PCDHGA6: variants seen among roughly 807,000 people sequenced by gnomAD.
PCDHGA6 encodes the protein protocadherin gamma-A6.
PCDHGA6 carries 41 observed loss-of-function variants against 60.6 expected under a neutral mutation model. The observed-to-expected ratio is 0.68, with a 90% CI of 0.53 to 0.88. The LOEUF is 0.88. Among genes scored for constraint, PCDHGA6 ranks in the 40% least tolerant of loss-of-function variants. The pLI is 0.00. For synonymous variants in PCDHGA6, 594 were observed against 524.4 expected (o/e 1.13, Z -1.81); for missense variants, 1,312 against 1,203.0 (o/e 1.09, Z -1.34).
At chr5:141,441,797 G>T in intron 1 of PCDHGA6, 1 of 386,536 alleles carries the variant, frequency 2.6e-6, no homozygotes, top group Non-Finnish European at 5.2e-6. Context: ...ACAACGCACC[G>T]CGGGTGCTGT....
chr5:141,413,218 A>G, intron 1 of PCDHGA6: 1 of 1,613,610 alleles, frequency 6.2e-7, no homozygotes. Flanking sequence ...AAAGGATTGC[A>G]GCGGGCTGGT....
At chr5:141,433,308 C>A in intron 1 of PCDHGA6, 2 of 915,352 alleles carry the variant, frequency 2.2e-6, no homozygotes, top group Non-Finnish European at 1.6e-6. Context: ...ATTATCCCAC[C>A]TTTGCCTCCG....
At chr5:141,390,341 A>T (rs766269615) in intron 1 of PCDHGA6, 5 of 1,587,538 alleles carry the variant, frequency 3.1e-6, no homozygotes, top group Non-Finnish European at 4.3e-6. Flanking sequence ...CATATTCACA[A>T]GAAAATATAC....
chr5:141,409,725 G>A (rs1416188591), intron 1 of PCDHGA6: 1 of 1,613,172 alleles, frequency 6.2e-7, no homozygotes, highest in Non-Finnish European at 8.5e-7. Context: ...GTGTCAGTGA[G>A]CGCGCAGAGC....
intron 1 of PCDHGA6, chr5:141,424,285 T>A (rs573116321): frequency 6.5e-6 from 1 of 152,894 alleles, no homozygotes; most frequent in South Asian, 2.1e-4. Context: ...CTTTGTCTCA[T>A]TTCTTCATCC....
rs2099883748 is a variant in PCDHGA6 at position 141,511,359 on chromosome 5, T to A, written c.*186T>A. On this transcript the variant is annotated 3_prime_UTR_variant, in exon 4 of 4. Transcript: ENST00000517434. ...CACCTACCCCTTCCCCCCCAGGGGGTTGAATATGCAAAAGCAGTTCCGCTG... is the reference window on the plus strand; with the variant it reads ...CACCTACCCCTTCCCCCCCAGGGGGATGAATATGCAAAAGCAGTTCCGCTG... 2 of 1,339,338 alleles carry A rather than the reference T, an allele frequency of 1.5e-6. No individual in the cohort carries two copies. Among genetic ancestry groups the A allele is most frequent in the Non-Finnish European group, 2.0e-6 (2 of 1,000,492 alleles). The allele number at this position is 1,339,338 out of a possible 1,614,324, so 83.0% of individuals were successfully genotyped here. A position where few individuals can be genotyped will look rare whatever the true frequency, so the allele number is the denominator to read the frequency against.
At chr5:141,421,148 G>A (rs1334539595) in intron 1 of PCDHGA6, 2 of 1,056,062 alleles carry the variant, frequency 1.9e-6, no homozygotes, top group African/African-American at 1.6e-5. Context: ...GATGTAGTCG[G>A]CCTAGGACTT....
At chr5:141,478,108 G>A (rs1160328367) in intron 1 of PCDHGA6, 1 of 1,614,046 alleles carries the variant, frequency 6.2e-7, no homozygotes, top group Admixed American at 1.7e-5. Flanking sequence ...CCCTCACTGT[G>A]TCAGTAACCG....
At chr5:141,421,387 G>A in intron 1 of PCDHGA6, 3 of 1,614,054 alleles carry the variant, frequency 1.9e-6, no homozygotes, top group Non-Finnish European at 2.5e-6. Context: ...CAAGGACCTG[G>A]GGCTGGAGCC....
At chr5:141,419,586 A>T (rs1440548961) in intron 1 of PCDHGA6, 1 of 1,611,696 alleles carries the variant, frequency 6.2e-7, no homozygotes, top group Non-Finnish European at 8.5e-7. Context: ...GCGCTCTTCG[A>T]CACAGTGCCG....
chr5:141,455,632 TG>T (rs1394377963), intron 1 of PCDHGA6, among the ~76,000 whole-genome samples: 1 of 151,924 alleles, frequency 6.6e-6, no homozygotes, highest in African/African-American at 2.4e-5. Flanking sequence ...TGGAGATATG[TG>T]GGGGGCAGCC....
intron 1 of PCDHGA6, chr5:141,478,776 A>T: frequency 1.3e-6 from 2 of 1,488,808 alleles, no homozygotes; most frequent in Non-Finnish European, 1.8e-6. Context: ...TCATCTGTGG[A>T]CCTAATTCAC....
chr5:141,418,345 T>C, intron 1 of PCDHGA6: 1 of 1,614,000 alleles, frequency 6.2e-7, no homozygotes, highest in Non-Finnish European at 8.5e-7. Context: ...ATCCTGATAT[T>C]AGTATGAATT....
intron 1 of PCDHGA6, among the ~76,000 whole-genome samples, chr5:141,480,689 C>A (rs1266042791): frequency 6.6e-6 from 1 of 152,126 alleles, no homozygotes; most frequent in Non-Finnish European, 1.5e-5. Flanking sequence ...AATTCTGAAA[C>A]CCAGGCCACA....
At chr5:141,468,652 G>A (rs1206892693) in intron 1 of PCDHGA6, 2 of 149,062 alleles carry the variant, frequency 1.3e-5, no homozygotes, top group African/African-American at 2.5e-5. Context: ...GGATCACAAG[G>A]TCAGGAGATC....
At chr5:141,415,772 T>TTTTTTTTG in intron 1 of PCDHGA6, 1 of 1,332,986 alleles carries the variant, frequency 7.5e-7, no homozygotes. Context: ...TTTTTTTTTT[T>TTTTTTTTG]ACTTTCTGGT....
chr5:141,457,079 C>T (rs114054058), intron 1 of PCDHGA6, among the ~76,000 whole-genome samples: 2,973 of 152,194 alleles, frequency 0.02, 43 homozygotes, highest in African/African-American at 0.029. Flanking sequence ...AACTATTATC[C>T]CTGCTATAAG....
chr5:141,376,233 A>G lies in PCDHGA6; in HGVS notation c.2150A>G (p.Gln717Arg), dbSNP rs2159258. 2.7e-3 allele frequency: 4,327 copies of G among 1,614,166 alleles called. 84 individuals carry two copies. In the African/African-American group the frequency reaches 0.046, roughly 17 times the overall value. Reference sequence around the variant, plus strand: ...ATCGTGCTGCTGGCGCTCAGACTGCAGCGCTGGCACAAGTCACGCCTGCTG... The same window carrying G: ...ATCGTGCTGCTGGCGCTCAGACTGCGGCGCTGGCACAAGTCACGCCTGCTG... ...FVIVLLALRL[Q>R]RWHKSRLLQA... The change falls in exon 1 of 4, where the codon CAG becomes CGG. Residue 717 changes from glutamine (Q) to arginine (R), a missense_variant. Physicochemically the swap from Gln to Arg is conservative, Grantham distance 43. Coordinates refer to ENST00000517434, the MANE Select transcript of PCDHGA6 (RefSeq NM_018919.3).
chr5:141,384,522 T>A, intron 1 of PCDHGA6: 2 of 1,614,192 alleles, frequency 1.2e-6, no homozygotes, highest in Non-Finnish European at 1.7e-6. Flanking sequence ...GGGACCCGCC[T>A]CTCAGCAGCA....
Sources: allele counts gnomAD v4.1 joint callset (sites outside exome capture counted in the v4.1 genomes callset), GRCh38; gene constraint gnomAD v4.1.1; transcripts MANE v1.5; gene names NCBI Gene and HGNC (gene_info 2026-07-23, HGNC 2026-07-21).